ANKRD36B: variants seen among roughly 807,000 people sequenced by gnomAD.
ANKRD36B encodes the protein ankyrin repeat domain 36B.
Under a neutral mutation model 135.7 loss-of-function variants are expected in ANKRD36B, and 37 were observed. The observed-to-expected ratio is 0.27, with a 90% confidence interval of 0.21 to 0.36. The LOEUF (loss-of-function observed/expected upper bound fraction) is 0.36, where lower values mean the gene tolerates loss of function less well. Ranked by LOEUF, ANKRD36B falls within the 10% of genes least tolerant of loss-of-function variation. ANKRD36B has a pLI of 1.00. For missense variants in ANKRD36B, 549 were observed against 1,037.1 expected, an observed-to-expected ratio of 0.53 and a Z score of 6.46; for synonymous variants, 179 against 348.1, an observed-to-expected ratio of 0.51 and a Z score of 5.41.
chr2:97,547,435 A>G (rs758978267), intron 22 of ANKRD36B, 101 bp downstream of exon 22: 49 of 1,220,614 alleles, frequency 4.0e-5, no homozygotes, highest in Non-Finnish European at 5.5e-5. Flanking sequence ...CTGCTGAATC[A>G]GAATGTGCAG....
At chr2:97,551,209 C>A (rs1205486171) in intron 18 of ANKRD36B, 80 bp downstream of exon 18, 11 of 1,508,628 alleles carry the variant, frequency 7.3e-6, no homozygotes, top group South Asian at 1.2e-5. Flanking sequence ...CAGCTTCGAC[C>A]AGCCCCCCAC....
intron 10 of ANKRD36B, among the ~76,000 whole-genome samples, chr2:97,557,361 A>G (rs2080627076): frequency 6.6e-6 from 1 of 151,796 alleles, no homozygotes; most frequent in Non-Finnish European, 1.5e-5. Flanking sequence ...GGTATTATGC[A>G]TCATGTGTGT....
rs569383505 is a variant in ANKRD36B, at chr2:97,580,308, C to A, written c.557+154G>T. 3.3e-3 allele frequency among the ~76,000 whole-genome samples: 502 copies of A among 152,222 alleles called. 3 individuals carry two copies. Among genetic ancestry groups the A allele is most frequent in the African/African-American group, 0.011 (456 of 41,538 alleles). ...CTCAGTCCAAATAATTGTTTTTCTACCTAAGTGATGATCTGTGTTGATATT... is the reference window on the plus strand; with the variant it reads ...CTCAGTCCAAATAATTGTTTTTCTAACTAAGTGATGATCTGTGTTGATATT... On this transcript the variant is annotated intron_variant, in intron 4 of 43. Coordinates refer to ENST00000359901, the MANE Select transcript of ANKRD36B (RefSeq NM_001393939.1).
At chr2:97,560,577 A>C in intron 8 of ANKRD36B, 88 bp downstream of exon 8, 1 of 1,561,244 alleles carries the variant, frequency 6.4e-7, no homozygotes, top group Non-Finnish European at 8.7e-7. Flanking sequence ...CGTGCAGCTT[A>C]TATGAACTCC....
intron 12 of ANKRD36B, among the ~76,000 whole-genome samples, chr2:97,556,433 C>A (rs1370550879): frequency 6.6e-6 from 1 of 151,790 alleles, no homozygotes; most frequent in Non-Finnish European, 1.5e-5. Context: ...CCCAAAATTA[C>A]AGAAATAACT....
chr2:97,555,416 A>G (rs1559178710), intron 12 of ANKRD36B, among the ~76,000 whole-genome samples, 162 bp from the exon 13 acceptor site: 1 of 151,944 alleles, frequency 6.6e-6, no homozygotes, highest in Non-Finnish European at 1.5e-5. Flanking sequence ...ACACTGAAAA[A>G]AAAGAAATAC....
chr2:97,498,155 A>G (rs1056979629), intron 43 of ANKRD36B, among the ~76,000 whole-genome samples: 1 of 79,078 alleles, frequency 1.3e-5, no homozygotes, highest in Non-Finnish European at 3.0e-5. Flanking sequence ...ACAACAAAAA[A>G]GAATAACAAA....
intron 35 of ANKRD36B, among the ~76,000 whole-genome samples, chr2:97,529,004 A>C (rs2078399731): frequency 1.0e-5 from 1 of 96,928 alleles, no homozygotes; most frequent in South Asian, 2.3e-4. Flanking sequence ...ATTCCTTCTG[A>C]AACTATTCCA....
At position 97,514,862 on chromosome 2, in the gene ANKRD36B, T is replaced by A. The variant is rs191469637; in HGVS notation, c.2621+870A>T. Among the ~76,000 whole-genome samples, 344 of 88,630 alleles carry A rather than the reference T, an allele frequency of 3.9e-3. 113 individuals are homozygous for A. Among genetic ancestry groups the A allele is most frequent in the Middle Eastern group, 0.016 (3 of 186 alleles). 58.1% of individuals were successfully genotyped at this position (88,630 alleles called of 152,430 possible). On this transcript the variant is annotated intron_variant, in intron 37 of 43. Transcript: ENST00000359901. The stretch of plus-strand genomic sequence containing the variant: ...AGCTAATCAGTAATCACTTTACATT[T>A]TACTTTTTATTCCCTGCATATTAAG...
Position 97,555,110 on chromosome 2 carries a change from G to A in ANKRD36B, c.1121C>T (p.Ser374Phe). ...TATTTCTGTAGCTGTATTCAAAGCA[G>A]AATCTGTCTTGTCACTTGCAGTCTG... The part of the protein sequence containing the change: ...ASKTASDKTD[S>F]ALNTATEIKD... The change falls in exon 14 of 44, where the codon TCT (serine) becomes TTT (phenylalanine). Residue 374 changes from serine (S) to phenylalanine (F), a missense_variant. Coordinates refer to ENST00000359901, the MANE Select transcript of ANKRD36B (RefSeq NM_001393939.1). The A allele has an allele frequency of 1.9e-6, 3 of 1,611,950 alleles. No homozygotes were observed. The East Asian group carries it at 6.7e-5, about 36-fold the overall frequency.
chr2:97,552,445 A>AT (rs2080151371), intron 16 of ANKRD36B, among the ~76,000 whole-genome samples: 2 of 151,956 alleles, frequency 1.3e-5, no homozygotes, highest in South Asian at 4.1e-4. Context: ...AGTTTATCTC[A>AT]TTTCTATAAC....
rs776201270 is a variant in ANKRD36B, at chr2:97,540,207, G to A, written c.1908C>T (p.Ala636=). 1.0e-6 allele frequency: 1 copy of A among 967,592 alleles called. No individual in the cohort carries two copies. The highest frequency in any genetic ancestry group is 3.0e-4 in the Middle Eastern group (1 of 3,322). The allele number at this position is 967,592 out of a possible 1,614,324, so 59.9% of individuals were successfully genotyped here. The change falls in exon 29 of 44, where the codon GCC becomes GCT. Residue 636 remains alanine, a synonymous_variant. Coordinates refer to ENST00000359901, the MANE Select transcript of ANKRD36B (RefSeq NM_001393939.1). ...RGTVSSQRRP[A]LKTTGDEKDS... is the part of the protein sequence containing the mutation. ...TAAATAAGAGTTTAATTACCTTCAAGGCTGGTCGTCTCTGAGAAGACACTG... is the reference window on the plus strand; with the variant it reads ...TAAATAAGAGTTTAATTACCTTCAAAGCTGGTCGTCTCTGAGAAGACACTG...
intron 6 of ANKRD36B, among the ~76,000 whole-genome samples, chr2:97,567,492 T>A (rs1466383807): frequency 6.6e-6 from 1 of 151,992 alleles, no homozygotes; most frequent in Non-Finnish European, 1.5e-5. Flanking sequence ...AGTCAATCAT[T>A]AGCATACAAA....
intron 6 of ANKRD36B, among the ~76,000 whole-genome samples, chr2:97,571,380 C>G (rs368868797): frequency 1.4e-4 from 22 of 151,860 alleles, no homozygotes; most frequent in East Asian, 3.9e-4. Context: ...GGGGGCGGTG[C>G]CTTACACCTA....
At chr2:97,554,924 A>T (rs1421500293) in intron 14 of ANKRD36B, 136 bp downstream of exon 14, 4 of 1,173,000 alleles carry the variant, frequency 3.4e-6, no homozygotes, top group Non-Finnish European at 1.2e-6. Context: ...CCGAGAACTT[A>T]TTACAGATGA....
intron 6 of ANKRD36B, among the ~76,000 whole-genome samples, chr2:97,564,217 T>C (rs2081268417): frequency 6.6e-6 from 1 of 152,064 alleles, no homozygotes; most frequent in African/African-American, 2.4e-5. Context: ...TAAGTTTTAG[T>C]AGTATAGAGA....
chr2:97,573,064 T>TCCC (rs961308728), intron 6 of ANKRD36B, among the ~76,000 whole-genome samples: 1 of 149,352 alleles, frequency 6.7e-6, no homozygotes, highest in Non-Finnish European at 1.5e-5. Context: ...CCCTCCCCAC[T>TCCC]CCCCCCACCC....
chr2:97,553,206 A>G lies in ANKRD36B; in HGVS notation c.1235T>C (p.Ile412Thr), dbSNP rs574768137. ...TTDEEGSVSN[I>T]ATEIKDGEKS... ...TTCTCCATCCTTTATTTCTGTGGCT[A>G]TATTAGAAACAGAACCTTCCTCGTC... is the stretch of plus-strand genomic sequence containing the variant. Residue 412 changes from isoleucine (I) to threonine (T), a missense_variant, in exon 16 of 44, where the codon ATA becomes ACA. Transcript: ENST00000359901. The G allele has an allele frequency of 3.1e-6, 5 of 1,611,352 alleles. No homozygotes were observed. Among genetic ancestry groups the G allele is most frequent in the African/African-American group, 2.7e-5 (2 of 74,832 alleles).
chr2:97,547,720 G>T lies in ANKRD36B; in HGVS notation c.1489C>A (p.Gln497Lys), dbSNP rs535840456. 1,850 of 1,561,150 alleles carry T rather than the reference G, an allele frequency of 1.2e-3. 56 individuals are homozygous for T. The East Asian group carries it at 0.04, about 34-fold the overall frequency. The change falls in exon 21 of 44, where the codon CAA becomes AAA. Residue 497 changes from glutamine (Q) to lysine (K), a missense_variant. By Grantham distance (53) the Gln-to-Lys change is moderately conservative. Coordinates refer to ENST00000359901, the MANE Select transcript of ANKRD36B (RefSeq NM_001393939.1). ...TTCATTACCTTCAAGCCTGGTGGTT[G>T]CTCAAAAGACACTGAAAAGTAAAAG... ...GEKSRTVSFEQPPGLKATRDE... is the reference protein window; with the variant it reads ...GEKSRTVSFEKPPGLKATRDE...
Sources: gnomAD v4.1 joint callset for allele counts (sites outside exome capture counted in the v4.1 genomes callset) on GRCh38, gnomAD v4.1.1 for gene constraint, MANE v1.5 for transcripts, NCBI Gene and HGNC (gene_info 2026-07-23, HGNC 2026-07-21) for gene names.